SLC35F2: variants seen among roughly 807,000 people sequenced by gnomAD.
The protein encoded by SLC35F2 is queuine/queuosine transporter SLC35F2.
A neutral mutation model predicts 38.1 loss-of-function variants in SLC35F2; 25 were observed. The observed-to-expected ratio is 0.66, with a 90% confidence interval of 0.48 to 0.92. The LOEUF is 0.92. Ranked by LOEUF, SLC35F2 falls within the 40% of genes least tolerant of loss-of-function variation. The pLI is 0.00. For synonymous variants in SLC35F2, 173 were observed against 181.7 expected, an observed-to-expected ratio of 0.95 and a Z score of 0.38; for missense variants, 409 against 452.9, an observed-to-expected ratio of 0.90 and a Z score of 0.88.
chr11:107,831,495 G>T lies in SLC35F2; in HGVS notation c.111-15530C>A, dbSNP rs191269327. Among the ~76,000 whole-genome samples the T allele has an allele frequency of 5.9e-5, 9 of 152,262 alleles. No homozygotes were observed. The East Asian group carries it at 1.5e-3, about 26-fold the overall frequency. On this transcript the variant is annotated intron_variant, in intron 1 of 7. Coordinates refer to ENST00000525815, the MANE Select transcript of SLC35F2 (RefSeq NM_017515.5). ...ATGCCTAGACCTCCCAAAGCACTGG[G>T]ATTATAGACGTGCACCACCACACCC...
intron 1 of SLC35F2, among the ~76,000 whole-genome samples, chr11:107,843,868 A>AAAAAAT (rs1860058583): frequency 2.1e-5 from 1 of 46,880 alleles, no homozygotes; most frequent in African/African-American, 8.8e-5. Context: ...AAAAAAAAAA[A>AAAAAAT]ATATATATAT....
chr11:107,810,711 A>G (rs1859467546), intron 3 of SLC35F2: 2 of 982,772 alleles, frequency 2.0e-6, no homozygotes, highest in Admixed American at 1.2e-4. Context: ...TGCTTAGCAC[A>G]ATGTTACAGA....
chr11:107,804,677 G>A (rs373252267), intron 6 of SLC35F2, 41 bp downstream of exon 6: 767 of 1,407,850 alleles, frequency 5.4e-4, no homozygotes, highest in Admixed American at 7.5e-4. Context: ...TCATTTGTTT[G>A]TTAAAGAATG....
chr11:107,793,118 T>C (rs1355803143), intron 7 of SLC35F2, among the ~76,000 whole-genome samples: 6 of 152,164 alleles, frequency 3.9e-5, no homozygotes, highest in Non-Finnish European at 8.8e-5. Flanking sequence ...GGTTTTTCCA[T>C]GTTGCCCAGG....
At chr11:107,794,071 T>C (rs1458904532) in intron 7 of SLC35F2, among the ~76,000 whole-genome samples, 1 of 144,568 alleles carries the variant, frequency 6.9e-6, no homozygotes, top group Non-Finnish European at 1.5e-5. Context: ...AAGAAATCAG[T>C]CTGTATTTTT....
In SLC35F2 at chr11:107,806,512, C is replaced by A. The variant is rs1859392493; in HGVS notation, c.574+205G>T. 1.1e-4 allele frequency: 62 copies of A among 541,460 alleles called. 3 individuals carry two copies. The South Asian group carries it at 1.2e-3, about 11-fold the overall frequency. The allele number at this position is 541,460 out of a possible 1,614,324, so 33.5% of individuals were successfully genotyped here. A position where few individuals can be genotyped will look rare whatever the true frequency, so the allele number is the denominator to read the frequency against. ...TCTCTCAATCCAAGGAGACGTTTAA[C>A]TCACTTGAAGATTGGATGAATTCAT... On this transcript the variant is annotated intron_variant, in intron 4 of 7. Transcript: ENST00000525815.
intron 3 of SLC35F2, among the ~76,000 whole-genome samples, chr11:107,808,250 G>A (rs531238734): frequency 2.6e-4 from 40 of 152,196 alleles, no homozygotes; most frequent in African/African-American, 9.6e-4. Flanking sequence ...TTGATACTGG[G>A]TCCAGAAAAC....
Position 107,804,741 on chromosome 11 carries a change from C to T in SLC35F2, c.761G>A (p.Ser254Asn), listed in dbSNP as rs184602466. Residue 254 changes from serine (S) to asparagine (N), a missense_variant, in exon 6 of 8, where the codon AGC becomes AAC. Coordinates refer to ENST00000525815, the MANE Select transcript of SLC35F2 (RefSeq NM_017515.5). ...LLIVEYKDIA[S>N]IHWDWKIALL... ...ACCAATTTTCCAGTCCCAATGAATG[C>T]TGGCAATATCCTTATATTCCACAAT... 2,033 of 1,607,622 alleles carry T rather than the reference C, an allele frequency of 1.3e-3. 7 individuals are homozygous for T. The highest frequency in any genetic ancestry group is 6.0e-3 in the Middle Eastern group (36 of 6,040).
intron 1 of SLC35F2, among the ~76,000 whole-genome samples, chr11:107,834,462 C>A (rs1361735185): frequency 6.6e-6 from 1 of 152,084 alleles, no homozygotes; most frequent in East Asian, 1.9e-4. Context: ...AACAGCCTGG[C>A]CAACATGGTG....
At chr11:107,853,275 T>C (rs1231592641) in intron 1 of SLC35F2, among the ~76,000 whole-genome samples, 1 of 152,182 alleles carries the variant, frequency 6.6e-6, no homozygotes, top group Non-Finnish European at 1.5e-5. Flanking sequence ...TTGCTGAACC[T>C]TGCACTTATC....
At chr11:107,811,615 GTTC>G in intron 3 of SLC35F2, 49 bp downstream of exon 3, 1 of 1,530,858 alleles carries the variant, frequency 6.5e-7, no homozygotes, top group Non-Finnish European at 8.8e-7. Context: ...ATGACTTCGT[GTTC>G]TTCTTTTGAA....
intron 3 of SLC35F2, chr11:107,810,333 T>A (rs1859462547): frequency 2.0e-6 from 2 of 985,124 alleles, no homozygotes; most frequent in Non-Finnish European, 1.2e-6. Flanking sequence ...GTCGCAACTA[T>A]CCAACTGTAA....
At chr11:107,826,621 C>G (rs1456785535) in intron 1 of SLC35F2, among the ~76,000 whole-genome samples, 1 of 152,000 alleles carries the variant, frequency 6.6e-6, no homozygotes, top group Admixed American at 6.6e-5. Context: ...CTGACTATAC[C>G]TTGTTTTATA....
At chr11:107,801,915 C>T (rs544818719) in intron 7 of SLC35F2, among the ~76,000 whole-genome samples, 1 of 152,226 alleles carries the variant, frequency 6.6e-6, no homozygotes, top group South Asian at 2.1e-4. Flanking sequence ...TACACATCAC[C>T]TCCCTGGGCC....
At position 107,792,383 on chromosome 11, in the gene SLC35F2, G is replaced by C. The variant is rs1038443560; in HGVS notation, c.*232C>G. On this transcript the variant is annotated 3_prime_UTR_variant, in exon 8 of 8. Transcript: ENST00000525815. ...AGTCTGCACCTCATCTCCTCAACAC[G>C]AACAGATATTGGTCCTCAAACACAG... 22 of 443,386 alleles carry C rather than the reference G, an allele frequency of 5.0e-5. No individual in the cohort carries two copies. The highest frequency in any genetic ancestry group is 8.7e-5 in the Non-Finnish European group (22 of 252,412). 27.5% of individuals were successfully genotyped at this position (443,386 alleles called of 1,614,324 possible).
At position 107,792,739 on chromosome 11, in the gene SLC35F2, G is replaced by T; in HGVS notation, c.1001C>A (p.Ser334Tyr). 1 of 1,613,826 alleles carries T rather than the reference G, an allele frequency of 6.2e-7. No individual in the cohort carries two copies. Among genetic ancestry groups the T allele is most frequent in the East Asian group, 2.2e-5 (1 of 44,858 alleles). Residue 334 changes from serine (S) to tyrosine (Y), a missense_variant, in exon 8 of 8, where the codon TCC becomes TAC. Transcript: ENST00000525815. Reference sequence around the variant, plus strand: ...CGGCTCGGCCGTGCGAGTAGGGGTGGAGCAGTACAGGATAAACCCCACCAT... The same window carrying T: ...CGGCTCGGCCGTGCGAGTAGGGGTGTAGCAGTACAGGATAAACCCCACCAT... ...VIMVGFILYC[S>Y]TPTRTAEPAE...
At chr11:107,830,098 TA>T (rs1473379546) in intron 1 of SLC35F2, among the ~76,000 whole-genome samples, 1 of 151,258 alleles carries the variant, frequency 6.6e-6, no homozygotes, top group African/African-American at 2.4e-5. Flanking sequence ...CTCATCTCTA[TA>T]AAAGTTAAAA....
intron 3 of SLC35F2, among the ~76,000 whole-genome samples, chr11:107,809,267 T>A (rs1025175669): frequency 6.7e-6 from 1 of 148,958 alleles, no homozygotes; most frequent in Non-Finnish European, 1.5e-5. Flanking sequence ...GAGGATCACT[T>A]GAGGTCAGGA....
At chr11:107,804,329 T>C (rs554914923) in intron 6 of SLC35F2, among the ~76,000 whole-genome samples, 16 of 152,102 alleles carry the variant, frequency 1.1e-4, no homozygotes, top group Non-Finnish European at 7.3e-5. Context: ...ACAGGAGCAA[T>C]GGGAGGTGAG....
Sources: gnomAD v4.1 joint callset for allele counts (sites outside exome capture counted in the v4.1 genomes callset) on GRCh38, gnomAD v4.1.1 for gene constraint, MANE v1.5 for transcripts, NCBI Gene and HGNC (gene_info 2026-07-23, HGNC 2026-07-21) for gene names.